The following REPS1 variants were observed in gnomAD, a reference collection of about 807,000 sequenced individuals.
REPS1 encodes ralBP1-associated Eps domain-containing protein 1.
REPS1 carries 39 observed loss-of-function variants against 100.9 expected under a neutral mutation model. That is an observed-to-expected ratio of 0.39 (90% CI 0.30 to 0.50). The LOEUF (loss-of-function observed/expected upper bound fraction) is 0.50. REPS1 is among the 20% of genes least tolerant of loss of function. The pLI is 0.86. For missense variants in REPS1, 821 were observed against 968.5 expected (o/e 0.85, Z 2.02); for synonymous variants, 324 against 340.3 (o/e 0.95, Z 0.53).
intron 1 of REPS1, among the ~76,000 whole-genome samples, chr6:138,978,323 C>A (rs59285893): frequency 0.076 from 11,370 of 149,308 alleles, 844 homozygotes; most frequent in East Asian, 0.21. Flanking sequence ...GGGTCTGGCT[C>A]TGTTGCCCAG....
intron 1 of REPS1, among the ~76,000 whole-genome samples, chr6:138,954,846 A>G (rs924464866): frequency 3.3e-5 from 5 of 152,166 alleles, no homozygotes; most frequent in Admixed American, 2.0e-4. Context: ...CATATACTCT[A>G]ATTTTTTTCT....
At chr6:138,958,466 C>A (rs2128490244) in intron 1 of REPS1, among the ~76,000 whole-genome samples, 1 of 151,776 alleles carries the variant, frequency 6.6e-6, no homozygotes, top group African/African-American at 2.4e-5. Flanking sequence ...TTTGCTGCAC[C>A]TATTGACCTG....
intron 17 of REPS1, chr6:138,911,071 T>A: frequency 2.2e-6 from 1 of 454,660 alleles, no homozygotes; most frequent in South Asian, 3.7e-5. Flanking sequence ...CACTTAAATT[T>A]TGAGAACCTG....
At chr6:138,935,189 A>G (rs1448888852) in intron 8 of REPS1, among the ~76,000 whole-genome samples, 1 of 152,244 alleles carries the variant, frequency 6.6e-6, no homozygotes, top group East Asian at 1.9e-4. Context: ...GTCTATGTAG[A>G]AAACTAATTG....
chr6:138,928,913 G>C (rs1375314359), intron 9 of REPS1: 1 of 152,126 alleles, frequency 6.6e-6, no homozygotes, highest in African/African-American at 2.4e-5. Context: ...TAGGATGGAT[G>C]GTGTGATGTT....
intron 17 of REPS1, chr6:138,911,034 C>A: frequency 2.7e-6 from 1 of 369,000 alleles, no homozygotes; most frequent in Non-Finnish European, 4.9e-6. Flanking sequence ...GAAGTTCTAC[C>A]TTATATAGTG....
intron 12 of REPS1, among the ~76,000 whole-genome samples, chr6:138,918,360 A>G (rs1012819903): frequency 1.3e-5 from 2 of 152,352 alleles, no homozygotes; most frequent in Non-Finnish European, 2.9e-5. Flanking sequence ...ACCATTCTAC[A>G]TATCAGAGAG....
chr6:138,932,458 T>TA (rs1781542833), intron 8 of REPS1, among the ~76,000 whole-genome samples: 1 of 129,846 alleles, frequency 7.7e-6, no homozygotes, highest in Non-Finnish European at 1.6e-5. Context: ...TTGTATTCCT[T>TA]ACCCCCCCCC....
At chr6:138,981,716 C>T (rs1299763098) in intron 1 of REPS1, among the ~76,000 whole-genome samples, 1 of 152,136 alleles carries the variant, frequency 6.6e-6, no homozygotes, top group Admixed American at 6.5e-5. Context: ...TCATGAAAAC[C>T]CAATCCCATA....
At chr6:138,928,688 T>C (rs139338200) in intron 9 of REPS1, 2 of 152,328 alleles carry the variant, frequency 1.3e-5, no homozygotes, top group East Asian at 3.9e-4. Flanking sequence ...TTAGAAAGAA[T>C]GTTTTTATTT....
chr6:138,904,866 A>C lies in REPS1; in HGVS notation c.*198T>G. Reference sequence around the variant, plus strand: ...CCAACAAACACAATCTACCCTCCAGAAAACGCCATCCTGACCTTTTTATTG... The same window carrying C: ...CCAACAAACACAATCTACCCTCCAGCAAACGCCATCCTGACCTTTTTATTG... On this transcript the variant is annotated 3_prime_UTR_variant, in exon 20 of 20. Transcript: ENST00000450536. The C allele has an allele frequency of 2.1e-6, 1 of 466,914 alleles. No homozygotes were observed. The highest frequency in any genetic ancestry group is 3.9e-6 in the Non-Finnish European group (1 of 257,550). 28.9% of individuals were successfully genotyped at this position (466,914 alleles called of 1,614,324 possible).
rs1438841709 is a variant in REPS1 at position 138,915,840 on chromosome 6, T to C, written c.1720+18A>G. 1 of 1,486,244 alleles carries C rather than the reference T, an allele frequency of 6.7e-7. No individual in the cohort carries two copies. Among genetic ancestry groups the C allele is most frequent in the South Asian group, 1.1e-5 (1 of 88,278 alleles). The allele number at this position is 1,486,244 out of a possible 1,614,324, so 92.1% of individuals were successfully genotyped here. A position where few individuals can be genotyped will look rare whatever the true frequency, so the allele number is the denominator to read the frequency against. On this transcript the variant is annotated intron_variant, in intron 14 of 19. Coordinates refer to ENST00000450536, the MANE Select transcript of REPS1 (RefSeq NM_001286611.2). ...TAAAATTAAATGATAATGTATATTA[T>C]GGTTCTCTAGCCCCTACCTGTGGTG...
intron 1 of REPS1, 45 bp from the exon 2 acceptor site, chr6:138,947,958 C>T: frequency 6.6e-7 from 1 of 1,519,474 alleles, no homozygotes; most frequent in Non-Finnish European, 8.8e-7. Flanking sequence ...CAACAAAAAT[C>T]TCCCTTCAAA....
chr6:138,958,051 G>A (rs1783511175), intron 1 of REPS1, among the ~76,000 whole-genome samples: 1 of 152,128 alleles, frequency 6.6e-6, no homozygotes, highest in Non-Finnish European at 1.5e-5. Flanking sequence ...AGTGTTAACA[G>A]GACAAGAAGA....
intron 1 of REPS1, among the ~76,000 whole-genome samples, chr6:138,978,805 TCCCACTAAATCTATATTCCA>T (rs1784746932): frequency 6.6e-6 from 1 of 152,304 alleles, no homozygotes; most frequent in African/African-American, 2.4e-5. Context: ...CAGAACATCC[TCCCACTAAATCTATATTCCA>T]CCCACTAAAT....
chr6:138,958,649 C>T (rs752834742), intron 1 of REPS1, among the ~76,000 whole-genome samples: 1 of 152,120 alleles, frequency 6.6e-6, no homozygotes, highest in African/African-American at 2.4e-5. Context: ...TTGTAGTATA[C>T]TGCAATTATG....
chr6:138,935,723 G>A (rs944190883), intron 8 of REPS1, among the ~76,000 whole-genome samples: 5 of 151,710 alleles, frequency 3.3e-5, no homozygotes, highest in Non-Finnish European at 5.9e-5. Context: ...ACATGGTGGC[G>A]CATGCCTGTA....
At chr6:138,918,233 G>A (rs1780535859) in intron 12 of REPS1, among the ~76,000 whole-genome samples, 1 of 152,014 alleles carries the variant, frequency 6.6e-6, no homozygotes, top group African/African-American at 2.4e-5. Flanking sequence ...TTACAGGTGT[G>A]AGCCACCGTG....
At chr6:138,971,891 C>T (rs1232306586) in intron 1 of REPS1, among the ~76,000 whole-genome samples, 1 of 152,216 alleles carries the variant, frequency 6.6e-6, no homozygotes, top group East Asian at 1.9e-4. Flanking sequence ...TATGAATGCA[C>T]AGCCAAGCAG....
Sources: gnomAD v4.1 joint callset for allele counts (sites outside exome capture counted in the v4.1 genomes callset) on GRCh38, gnomAD v4.1.1 for gene constraint, MANE v1.5 for transcripts, NCBI Gene and HGNC (gene_info 2026-07-23, HGNC 2026-07-21) for gene names.